The following GRK3 variants were observed in gnomAD, a reference collection of about 807,000 sequenced individuals.
GRK3 encodes the protein G protein-coupled receptor kinase 3.
Under a neutral mutation model 95.7 loss-of-function variants are expected in GRK3, and 54 were observed. That is an observed-to-expected ratio of 0.56 (90% CI 0.45 to 0.71). The LOEUF (loss-of-function observed/expected upper bound fraction) is 0.71, where lower values mean the gene tolerates loss of function less well. Among genes scored for constraint, GRK3 ranks in the 30% least tolerant of loss-of-function variants. The probability of loss-of-function intolerance (pLI) is 0.00; values close to 1 mark genes in which losing one functional copy is unlikely to be tolerated. For missense variants in GRK3, 649 were observed against 851.2 expected, an observed-to-expected ratio of 0.76 and a Z score of 2.96; for synonymous variants, 281 against 290.8, an observed-to-expected ratio of 0.97 and a Z score of 0.34.
chr22:25,668,082 A>G (rs2084954540), intron 6 of GRK3, among the ~76,000 whole-genome samples: 1 of 152,252 alleles, frequency 6.6e-6, no homozygotes, highest in Non-Finnish European at 1.5e-5. Context: ...TCTTATTGAG[A>G]GACCTTTGCT....
chr22:25,623,378 T>C (rs2084601563), intron 2 of GRK3, among the ~76,000 whole-genome samples: 1 of 152,222 alleles, frequency 6.6e-6, no homozygotes, highest in Non-Finnish European at 1.5e-5. Context: ...CCCCTGCCTT[T>C]GGCTTGTGCT....
At chr22:25,565,480 T>C (rs1931439502) in intron 1 of GRK3, among the ~76,000 whole-genome samples, 1 of 151,726 alleles carries the variant, frequency 6.6e-6, no homozygotes. Context: ...TGTCCTGTCC[T>C]GCCCTGTCCC....
chr22:25,687,805 G>A, intron 11 of GRK3, 138 bp downstream of exon 11: 1 of 938,096 alleles, frequency 1.1e-6, no homozygotes, highest in Non-Finnish European at 1.6e-6. Flanking sequence ...TTAGCTATAT[G>A]ACATTTTATC....
intron 2 of GRK3, among the ~76,000 whole-genome samples, chr22:25,622,400 G>A (rs918922996): frequency 1.2e-4 from 18 of 152,202 alleles, no homozygotes; most frequent in African/African-American, 4.1e-4. Context: ...GAAGGAGACC[G>A]AGTAGCGCTT....
chr22:25,604,533 C>T, intron 2 of GRK3, 80 bp downstream of exon 2: 1 of 900,758 alleles, frequency 1.1e-6, no homozygotes, highest in Non-Finnish European at 1.7e-6. Context: ...ATGAATGCAC[C>T]CCCTAGTGCT....
rs1932095225 is a variant in GRK3, at chr22:25,581,385, G to A, written c.113+16232G>A. 2 of 152,180 alleles carry A rather than the reference G, an allele frequency of 1.3e-5. 1 individual carries two copies. The highest frequency in any genetic ancestry group is 2.9e-5 in the Non-Finnish European group (2 of 68,034). The allele number at this position is 152,180 out of a possible 1,614,324, so 9.4% of individuals were successfully genotyped here. A position where few individuals can be genotyped will look rare whatever the true frequency, so the allele number is the denominator to read the frequency against. ...TGTAATAGCACTGGTGACTTAAGAT[G>A]TACTATATAATTTCTATGACAGCAT... On this transcript the variant is annotated intron_variant, in intron 1 of 20. Coordinates refer to ENST00000324198, the MANE Select transcript of GRK3 (RefSeq NM_005160.4).
intron 1 of GRK3, among the ~76,000 whole-genome samples, chr22:25,600,977 C>G (rs1046397872): frequency 6.6e-6 from 1 of 152,134 alleles, no homozygotes; most frequent in Non-Finnish European, 1.5e-5. Flanking sequence ...CAACATTGTT[C>G]TTAAATATTC....
intron 2 of GRK3, among the ~76,000 whole-genome samples, chr22:25,644,064 G>A (rs2084762395): frequency 6.6e-6 from 1 of 152,120 alleles, no homozygotes; most frequent in South Asian, 2.1e-4. Flanking sequence ...GTAGGGACTT[G>A]GAAATAGTGA....
chr22:25,728,226 T>A lies in GRK3; in HGVS notation c.*5776T>A, dbSNP rs1418809291. On this transcript the variant is annotated 3_prime_UTR_variant, in exon 21 of 21. Transcript: ENST00000324198. The stretch of plus-strand genomic sequence containing the variant: ...ATGGACTGTTTTCAACAACAGTTGA[T>A]CTTCTGGTCTGTGCTGAGAGGCGCA... The A allele has an allele frequency of 6.6e-6, 1 of 152,244 alleles. No homozygotes were observed. Among genetic ancestry groups the A allele is most frequent in the Non-Finnish European group, 1.5e-5 (1 of 68,036 alleles). 9.4% of individuals were successfully genotyped at this position (152,244 alleles called of 1,614,324 possible). A position where few individuals can be genotyped will look rare whatever the true frequency, so the allele number is the denominator to read the frequency against.
intron 6 of GRK3, among the ~76,000 whole-genome samples, chr22:25,669,921 G>A (rs2084967703): frequency 1.3e-5 from 2 of 152,364 alleles, no homozygotes; most frequent in African/African-American, 4.8e-5. Flanking sequence ...TCAAAGACCA[G>A]TCATAGATTT....
intron 2 of GRK3, among the ~76,000 whole-genome samples, chr22:25,607,221 A>G (rs562368028): frequency 3.2e-4 from 48 of 152,294 alleles, no homozygotes; most frequent in African/African-American, 1.1e-3. Flanking sequence ...GTTTTGTGCT[A>G]TATGCATCTC....
At chr22:25,643,096 T>G (rs897854192) in intron 2 of GRK3, among the ~76,000 whole-genome samples, 3 of 152,210 alleles carry the variant, frequency 2.0e-5, no homozygotes, top group Non-Finnish European at 1.5e-5. Flanking sequence ...TAGAAAGTCC[T>G]TTGAAATGAA....
chr22:25,585,343 C>T (rs543196410), intron 1 of GRK3, among the ~76,000 whole-genome samples: 1 of 152,196 alleles, frequency 6.6e-6, no homozygotes, highest in Non-Finnish European at 1.5e-5. Context: ...GGCCATCTGC[C>T]CTGCTCATTT....
At chr22:25,604,554 T>C in intron 2 of GRK3, 101 bp downstream of exon 2, 2 of 649,048 alleles carry the variant, frequency 3.1e-6, no homozygotes, top group East Asian at 2.9e-5. Context: ...TTATATCCTC[T>C]ATAGCTGTGG....
chr22:25,694,116 A>G (rs2085187881), intron 12 of GRK3, among the ~76,000 whole-genome samples: 1 of 152,174 alleles, frequency 6.6e-6, no homozygotes, highest in African/African-American at 2.4e-5. Flanking sequence ...TAAGATAAGC[A>G]CAGAGATGCA....
intron 2 of GRK3, among the ~76,000 whole-genome samples, chr22:25,634,603 C>T (rs1281806912): frequency 6.6e-6 from 1 of 152,122 alleles, no homozygotes; most frequent in Non-Finnish European, 1.5e-5. Flanking sequence ...TATAAGGGAG[C>T]TTATTAACAT....
chr22:25,649,371 TC>T, intron 3 of GRK3: 1 of 582,296 alleles, frequency 1.7e-6, no homozygotes, highest in Non-Finnish European at 3.0e-6. Context: ...CAGATATGGT[TC>T]CACAAAACCA....
chr22:25,666,999 GGTAGTT>G (rs2084946431), intron 5 of GRK3, among the ~76,000 whole-genome samples: 1 of 152,164 alleles, frequency 6.6e-6, no homozygotes, highest in Non-Finnish European at 1.5e-5. Flanking sequence ...TGAAGTAGAT[GGTAGTT>G]GTTCTCCATG....
At chr22:25,633,537 T>C (rs770251938) in intron 2 of GRK3, among the ~76,000 whole-genome samples, 2 of 152,190 alleles carry the variant, frequency 1.3e-5, no homozygotes, top group East Asian at 1.9e-4. Flanking sequence ...GTTAGATTTA[T>C]TCGTAAGTGT....
Sources: allele counts gnomAD v4.1 joint callset (sites outside exome capture counted in the v4.1 genomes callset), GRCh38; gene constraint gnomAD v4.1.1; transcripts MANE v1.5; gene names NCBI Gene and HGNC (gene_info 2026-07-23, HGNC 2026-07-21).